Variants in OPCML observed in about 807,000 individuals in gnomAD.
OPCML encodes the protein opioid-binding protein/cell adhesion molecule.
A neutral mutation model predicts 37.8 loss-of-function variants in OPCML; 13 were observed. The observed-to-expected ratio is 0.34, with a 90% CI of 0.22 to 0.55. OPCML has a LOEUF of 0.55. Among genes scored for constraint, OPCML ranks in the 20% least tolerant of loss-of-function variants. The pLI, the probability that OPCML is intolerant of heterozygous loss-of-function variation, is 0.91. For synonymous variants in OPCML, 176 were observed against 168.8 expected (o/e 1.04, Z -0.33); for missense variants, 341 against 435.6 (o/e 0.78, Z 1.93).
intron 1 of OPCML, among the ~76,000 whole-genome samples, chr11:133,453,529 T>G (rs550281260): frequency 6.6e-6 from 1 of 152,350 alleles, no homozygotes; most frequent in Non-Finnish European, 1.5e-5. Flanking sequence ...GCCAAACATA[T>G]AGATTGCATT....
intron 4 of OPCML, 67 bp from the exon 5 acceptor site, chr11:132,437,426 C>T: frequency 6.3e-7 from 1 of 1,578,960 alleles, no homozygotes; most frequent in Non-Finnish European, 8.6e-7. Flanking sequence ...ACCATATTCA[C>T]ATCTAGAGAT....
chr11:132,711,797 T>C (rs1300568593), intron 2 of OPCML, among the ~76,000 whole-genome samples: 2 of 152,250 alleles, frequency 1.3e-5, no homozygotes, highest in African/African-American at 2.4e-5. Context: ...ACCTTACATA[T>C]GCTATATGTG....
intron 3 of OPCML, among the ~76,000 whole-genome samples, chr11:132,561,243 C>T (rs554275990): frequency 2.6e-5 from 4 of 152,216 alleles, no homozygotes; most frequent in African/African-American, 9.6e-5. Flanking sequence ...ACTCCAACTA[C>T]CTGCTACCTG....
At chr11:132,734,382 T>C (rs895776380) in intron 2 of OPCML, among the ~76,000 whole-genome samples, 15 of 152,308 alleles carry the variant, frequency 9.8e-5, no homozygotes, top group African/African-American at 3.1e-4. Flanking sequence ...TGGTATTTCT[T>C]GAATGACTCA....
chr11:133,243,169 A>G (rs1310537287), intron 1 of OPCML, among the ~76,000 whole-genome samples: 2 of 152,206 alleles, frequency 1.3e-5, no homozygotes, highest in African/African-American at 4.8e-5. Flanking sequence ...GATATTCTTG[A>G]GAGCAACTGG....
At chr11:133,418,530 G>T in intron 1 of OPCML, 4 of 899,488 alleles carry the variant, frequency 4.4e-6, no homozygotes, top group Non-Finnish European at 5.3e-6. Flanking sequence ...GACAGTAGGA[G>T]AAACCTGACA....
chr11:132,486,284 AC>A (rs1396078194), intron 4 of OPCML, among the ~76,000 whole-genome samples: 1 of 152,142 alleles, frequency 6.6e-6, no homozygotes, highest in Non-Finnish European at 1.5e-5. Context: ...GGAGTGATGC[AC>A]CTATCTTAGG....
At chr11:132,518,912 G>T (rs1450332071) in intron 4 of OPCML, among the ~76,000 whole-genome samples, 1 of 152,142 alleles carries the variant, frequency 6.6e-6, no homozygotes, top group Non-Finnish European at 1.5e-5. Flanking sequence ...TACAACAGAC[G>T]GTAGGCAGGA....
At chr11:132,700,087 T>C (rs1181741596) in intron 2 of OPCML, among the ~76,000 whole-genome samples, 1 of 152,088 alleles carries the variant, frequency 6.6e-6, no homozygotes, top group Non-Finnish European at 1.5e-5. Context: ...GTTATTCAGT[T>C]CATTGGTGTA....
intron 3 of OPCML, among the ~76,000 whole-genome samples, chr11:132,620,729 C>T (rs1408032668): frequency 1.3e-5 from 2 of 152,190 alleles, no homozygotes; most frequent in Non-Finnish European, 2.9e-5. Context: ...AATGCGTTGA[C>T]CTGGCTCTCT....
At chr11:133,136,820 T>C (rs1425619885) in intron 1 of OPCML, among the ~76,000 whole-genome samples, 2 of 143,856 alleles carry the variant, frequency 1.4e-5, no homozygotes, top group South Asian at 2.3e-4. Flanking sequence ...CTGCAGTTTC[T>C]ATGTGCACGT....
chr11:132,622,585 T>C (rs1330072797), intron 3 of OPCML, among the ~76,000 whole-genome samples: 1 of 152,198 alleles, frequency 6.6e-6, no homozygotes, highest in Non-Finnish European at 1.5e-5. Flanking sequence ...CCTCTTCATC[T>C]GTTCTGCTGG....
chr11:132,828,373 C>G (rs1430319048), intron 2 of OPCML, among the ~76,000 whole-genome samples: 1 of 152,034 alleles, frequency 6.6e-6, no homozygotes, highest in East Asian at 1.9e-4. Context: ...AGAGTGAACC[C>G]TAATGTAAAC....
At chr11:132,818,595 A>G (rs1396700488) in intron 2 of OPCML, among the ~76,000 whole-genome samples, 1 of 104,370 alleles carries the variant, frequency 9.6e-6, no homozygotes. Context: ...TCTTAGATAG[A>G]TAGATAGATA....
chr11:132,924,801 T>C (rs1017078509), intron 2 of OPCML, among the ~76,000 whole-genome samples: 2 of 152,210 alleles, frequency 1.3e-5, no homozygotes, highest in Non-Finnish European at 2.9e-5. Flanking sequence ...GATCTGTGGT[T>C]TGGTGTCCGG....
chr11:133,173,456 G>A lies in OPCML; in HGVS notation c.62-230446C>T, dbSNP rs1179674413. Among the ~76,000 whole-genome samples, 1 of 152,104 alleles carries A rather than the reference G, an allele frequency of 6.6e-6. No individual in the cohort carries two copies. The highest frequency in any genetic ancestry group is 1.5e-5 in the Non-Finnish European group (1 of 68,022). On this transcript the variant is annotated intron_variant, in intron 1 of 7. Coordinates refer to ENST00000524381, the MANE Select transcript of OPCML (RefSeq NM_001012393.5). The surrounding 1 kb of genome is among the most constrained non-coding windows in gnomAD (Gnocchi z 7.8). Reference sequence around the variant, plus strand: ...ATCGAGTGAACAAATAAATAAATGAGCAACCACTAGCCACAGATGGATTCC... The same window carrying A: ...ATCGAGTGAACAAATAAATAAATGAACAACCACTAGCCACAGATGGATTCC...
chr11:133,419,451 G>C, intron 1 of OPCML: 1 of 454,762 alleles, frequency 2.2e-6, no homozygotes, highest in Non-Finnish European at 2.9e-6. Context: ...TAAAAGTTGA[G>C]TTATATAAAC....
At chr11:132,816,639 G>A (rs1939655451) in intron 2 of OPCML, among the ~76,000 whole-genome samples, 1 of 152,154 alleles carries the variant, frequency 6.6e-6, no homozygotes, top group African/African-American at 2.4e-5. Flanking sequence ...TATTACTCAT[G>A]AGAGAAGAAG....
chr11:133,101,885 G>A (rs549040247), intron 1 of OPCML, among the ~76,000 whole-genome samples: 29 of 152,170 alleles, frequency 1.9e-4, no homozygotes, highest in East Asian at 7.7e-4. Context: ...ATAGAGCACC[G>A]AGAAGGAATG....
Sources: allele counts gnomAD v4.1 joint callset (sites outside exome capture counted in the v4.1 genomes callset), GRCh38; gene constraint gnomAD v4.1.1; non-coding constraint Gnocchi (gnomAD v3.1); transcripts MANE v1.5; gene names NCBI Gene and HGNC (gene_info 2026-07-23, HGNC 2026-07-21).